LARP1B: variants seen among roughly 807,000 people sequenced by gnomAD.
The protein encoded by LARP1B is La ribonucleoprotein 1B, also known as la-related protein 1B.
Under a neutral mutation model 114.2 loss-of-function variants are expected in LARP1B, and 76 were observed. That is an observed-to-expected ratio of 0.67 (90% CI 0.55 to 0.81). The LOEUF (loss-of-function observed/expected upper bound fraction) is 0.81. LARP1B is among the 30% of genes least tolerant of loss of function. LARP1B has a pLI of 0.00. For missense variants in LARP1B, 1,014 were observed against 1,075.8 expected (o/e 0.94, Z 0.80); for synonymous variants, 345 against 348.0 (o/e 0.99, Z 0.10).
At chr4:128,106,800 T>C (rs988623350) in intron 8 of LARP1B, among the ~76,000 whole-genome samples, 3 of 152,198 alleles carry the variant, frequency 2.0e-5, no homozygotes, top group Non-Finnish European at 4.4e-5. Flanking sequence ...GCCTACATTT[T>C]ATTTGGTAAT....
chr4:128,156,245 AC>A (rs1366805955), intron 11 of LARP1B: 3 of 1,332,546 alleles, frequency 2.3e-6, no homozygotes, highest in Non-Finnish European at 3.2e-6. Flanking sequence ...ACCCTAAGCA[AC>A]GTCTGCTCCC....
At chr4:128,078,136 C>G (rs1227585329) in intron 4 of LARP1B, among the ~76,000 whole-genome samples, 174 bp downstream of exon 4, 1 of 152,124 alleles carries the variant, frequency 6.6e-6, no homozygotes, top group African/African-American at 2.4e-5. Context: ...AACTATTAGA[C>G]TTTCCTTTTT....
At chr4:128,176,269 A>ATGTG (rs67992602) in intron 12 of LARP1B, among the ~76,000 whole-genome samples, 21 of 114,010 alleles carry the variant, frequency 1.8e-4, no homozygotes, top group Non-Finnish European at 2.2e-4. Context: ...ATATACACAT[A>ATGTG]TGTGTGTGTG....
intron 11 of LARP1B, among the ~76,000 whole-genome samples, chr4:128,153,640 C>T (rs1252078472): frequency 2.6e-5 from 4 of 152,136 alleles, no homozygotes; most frequent in African/African-American, 9.7e-5. Context: ...CCTGGTTTAT[C>T]CCTGGCCTAC....
intron 14 of LARP1B, 62 bp downstream of exon 14, chr4:128,178,704 A>G (rs534444789): frequency 5.8e-6 from 7 of 1,205,258 alleles, no homozygotes; most frequent in Non-Finnish European, 8.5e-6. Flanking sequence ...TACAGAATGA[A>G]ACGTTTTAGT....
At chr4:128,186,305 C>T in intron 15 of LARP1B, among the ~76,000 whole-genome samples, 1 of 152,026 alleles carries the variant, frequency 6.6e-6, no homozygotes, top group Non-Finnish European at 1.5e-5. Flanking sequence ...TGAGCATGTG[C>T]TATCATTCCC....
At chr4:128,066,413 C>T (rs1286631548) in intron 1 of LARP1B, among the ~76,000 whole-genome samples, 9 of 151,364 alleles carry the variant, frequency 5.9e-5, no homozygotes, top group African/African-American at 1.9e-4. Flanking sequence ...CTGCTGACCT[C>T]GTGATCCGCC....
At chr4:128,126,535 G>A (rs1220940439) in intron 11 of LARP1B, among the ~76,000 whole-genome samples, 2 of 152,092 alleles carry the variant, frequency 1.3e-5, no homozygotes, top group African/African-American at 4.8e-5. Flanking sequence ...AAAGAATAAC[G>A]ATAGAACTGG....
chr4:128,147,756 G>A (rs1205294546), intron 11 of LARP1B, among the ~76,000 whole-genome samples: 1 of 151,882 alleles, frequency 6.6e-6, no homozygotes, highest in Non-Finnish European at 1.5e-5. Context: ...ATAGAATTAT[G>A]GCCAGTAGTA....
At chr4:128,151,723 C>T (rs925709264) in intron 11 of LARP1B, among the ~76,000 whole-genome samples, 1 of 152,056 alleles carries the variant, frequency 6.6e-6, no homozygotes, top group Admixed American at 6.6e-5. Flanking sequence ...CTGCCTCAGC[C>T]TCCTGAGTAG....
At chr4:128,108,517 C>G in intron 9 of LARP1B, 1 of 985,740 alleles carries the variant, frequency 1.0e-6, no homozygotes, top group African/African-American at 1.7e-5. Context: ...GACGTCCCAT[C>G]AACAAAGCAT....
At chr4:128,103,561 CTTTTTTTTTT>C (rs1049704607) in intron 8 of LARP1B, among the ~76,000 whole-genome samples, 1 of 131,874 alleles carries the variant, frequency 7.6e-6, no homozygotes, top group Admixed American at 7.8e-5. Context: ...GCCCCTTCCT[CTTTTTTTTTT>C]TTTTTTTTTG....
intron 11 of LARP1B, among the ~76,000 whole-genome samples, chr4:128,126,476 C>T (rs889053422): frequency 1.3e-4 from 20 of 152,080 alleles, no homozygotes; most frequent in Admixed American, 9.8e-4. Flanking sequence ...AGTAGCTAGG[C>T]TTACTGTGTT....
chr4:128,139,654 T>TCACA (rs145939804), intron 11 of LARP1B, among the ~76,000 whole-genome samples: 7 of 149,988 alleles, frequency 4.7e-5, no homozygotes, highest in Non-Finnish European at 7.4e-5. Flanking sequence ...AGTGAGACTG[T>TCACA]CACACACACA....
chr4:128,219,562 G>A (rs1358561407), intron 6 of LARP1B, among the ~76,000 whole-genome samples: 3 of 108,436 alleles, frequency 2.8e-5, no homozygotes, highest in South Asian at 3.5e-4. Flanking sequence ...ACCAAACACC[G>A]CATATTCTCA....
At chr4:128,158,972 C>G (rs1025004385) in intron 11 of LARP1B, among the ~76,000 whole-genome samples, 1 of 151,266 alleles carries the variant, frequency 6.6e-6, no homozygotes, top group Admixed American at 6.6e-5. Context: ...GAGTTCAAGA[C>G]CAGTGTGGGC....
At chr4:128,173,648 C>T (rs1161210318) in intron 12 of LARP1B, among the ~76,000 whole-genome samples, 1 of 152,118 alleles carries the variant, frequency 6.6e-6, no homozygotes, top group Non-Finnish European at 1.5e-5. Flanking sequence ...TTAAGGTTCA[C>T]CTGGAAAGCT....
At chr4:128,208,570 C>T (rs1758214580) in intron 19 of LARP1B, among the ~76,000 whole-genome samples, 1 of 152,154 alleles carries the variant, frequency 6.6e-6, no homozygotes, top group Non-Finnish European at 1.5e-5. Context: ...ATTTGAGACT[C>T]TTGCCCCATC....
downstream of LARP1B, among the ~76,000 whole-genome samples, chr4:128,216,554 T>G (rs1310592084): frequency 1.3e-5 from 2 of 149,544 alleles, no homozygotes; most frequent in East Asian, 3.9e-4. Flanking sequence ...ACTGGGTACA[T>G]AACGAAATGA....
Sources: allele counts gnomAD v4.1 joint callset (sites outside exome capture counted in the v4.1 genomes callset), GRCh38; gene constraint gnomAD v4.1.1; transcripts MANE v1.5; gene names NCBI Gene and HGNC (gene_info 2026-07-23, HGNC 2026-07-21).